Variants in PTPRD observed in about 807,000 individuals in gnomAD.
PTPRD encodes the protein protein tyrosine phosphatase receptor type D, also known as receptor-type tyrosine-protein phosphatase delta.
Under a neutral mutation model 214.5 loss-of-function variants are expected in PTPRD, and 34 were observed. The observed-to-expected ratio is 0.16, with a 90% CI of 0.12 to 0.21. The LOEUF is 0.21. Among genes scored for constraint, PTPRD ranks in the 10% least tolerant of loss-of-function variants. PTPRD has a pLI of 1.00. For synonymous variants in PTPRD, 1,128 were observed against 845.7 expected, an observed-to-expected ratio of 1.33 and a Z score of -5.79; for missense variants, 2,545 against 2,398.7, an observed-to-expected ratio of 1.06 and a Z score of -1.27.
At chr9:10,031,764 G>C (rs1248720330) in intron 4 of PTPRD, among the ~76,000 whole-genome samples, 1 of 150,526 alleles carries the variant, frequency 6.6e-6, no homozygotes, top group Non-Finnish European at 1.5e-5. Flanking sequence ...TTTTTTTATG[G>C]AGTTTACTAG....
At chr9:10,360,029 G>A (rs1598038651) in intron 2 of PTPRD, among the ~76,000 whole-genome samples, 1 of 152,132 alleles carries the variant, frequency 6.6e-6, no homozygotes, top group East Asian at 1.9e-4. Context: ...TTCCTTTTCA[G>A]ATCTATTAGT....
At chr9:8,910,684 G>C (rs1386855551) in intron 11 of PTPRD, among the ~76,000 whole-genome samples, 1 of 152,126 alleles carries the variant, frequency 6.6e-6, no homozygotes, top group East Asian at 1.9e-4. Flanking sequence ...CAATTACTCA[G>C]TTTCAGATAT....
At chr9:10,222,892 A>G (rs1048966591) in intron 3 of PTPRD, among the ~76,000 whole-genome samples, 1 of 152,062 alleles carries the variant, frequency 6.6e-6, no homozygotes, top group Admixed American at 6.6e-5. Flanking sequence ...TCTCAAAGAA[A>G]GATAAAAATG....
At chr9:8,856,824 T>G (rs1175871758) in intron 11 of PTPRD, among the ~76,000 whole-genome samples, 1 of 152,192 alleles carries the variant, frequency 6.6e-6, no homozygotes, top group Non-Finnish European at 1.5e-5. Context: ...TTTTTAAGCA[T>G]AAGACTTAAA....
chr9:9,351,887 T>A (rs1467908143), intron 9 of PTPRD, among the ~76,000 whole-genome samples: 1 of 152,002 alleles, frequency 6.6e-6, no homozygotes, highest in Non-Finnish European at 1.5e-5. Context: ...AATATCCACC[T>A]TGATGGACTA....
At chr9:9,694,168 G>T (rs141099002) in intron 7 of PTPRD, among the ~76,000 whole-genome samples, 1 of 152,094 alleles carries the variant, frequency 6.6e-6, no homozygotes, top group Admixed American at 6.6e-5. Context: ...ATGTTTGTTT[G>T]TGCCTGGGCA....
intron 10 of PTPRD, among the ~76,000 whole-genome samples, chr9:9,034,815 C>A (rs534202201): frequency 6.6e-6 from 1 of 152,290 alleles, no homozygotes; most frequent in African/African-American, 2.4e-5. Flanking sequence ...CAATGCAGTG[C>A]ATGGGACAGG....
chr9:9,657,787 T>C (rs1173662596), intron 7 of PTPRD, among the ~76,000 whole-genome samples: 1 of 152,210 alleles, frequency 6.6e-6, no homozygotes. Flanking sequence ...CAATTGTACA[T>C]CGTCCTTCCT....
intron 11 of PTPRD, among the ~76,000 whole-genome samples, chr9:8,868,369 T>G (rs2098236267): frequency 6.6e-6 from 1 of 152,082 alleles, no homozygotes; most frequent in African/African-American, 2.4e-5. Context: ...TAACTAATTT[T>G]TTTTTGTATT....
intron 9 of PTPRD, among the ~76,000 whole-genome samples, chr9:9,371,803 G>T (rs995518011): frequency 5.3e-5 from 8 of 152,048 alleles, no homozygotes; most frequent in African/African-American, 1.9e-4. Flanking sequence ...AGAGATTCTG[G>T]TATGTTGTGT....
intron 9 of PTPRD, among the ~76,000 whole-genome samples, chr9:9,344,552 T>C (rs1387635880): frequency 6.6e-6 from 1 of 151,966 alleles, no homozygotes. Flanking sequence ...ATAAAGTATA[T>C]ATATATGCAT....
chr9:9,467,213 C>CTTTTTT (rs35659936), intron 8 of PTPRD, among the ~76,000 whole-genome samples: 6 of 92,864 alleles, frequency 6.5e-5, no homozygotes, highest in Admixed American at 1.2e-4. Context: ...GTTCATTTAT[C>CTTTTTT]TTTTTTTTTT....
chr9:8,635,069 A>G (rs1368258272), intron 13 of PTPRD, among the ~76,000 whole-genome samples: 1 of 147,782 alleles, frequency 6.8e-6, no homozygotes, highest in Non-Finnish European at 1.5e-5. Context: ...AATAATATAT[A>G]TTAAATATAT....
intron 11 of PTPRD, among the ~76,000 whole-genome samples, chr9:8,993,013 C>T (rs1279189318): frequency 3.9e-5 from 6 of 152,248 alleles, no homozygotes; most frequent in South Asian, 4.1e-4. Context: ...CTTCCTGAGC[C>T]GTTGGAATTC....
intron 11 of PTPRD, among the ~76,000 whole-genome samples, chr9:8,983,343 C>T (rs1286185677): frequency 1.3e-5 from 2 of 151,904 alleles, no homozygotes; most frequent in African/African-American, 4.8e-5. Flanking sequence ...GGAAAAAAAC[C>T]TCTGATGCCA....
chr9:8,586,355 C>T (rs2093658678), intron 14 of PTPRD, among the ~76,000 whole-genome samples: 1 of 152,104 alleles, frequency 6.6e-6, no homozygotes, highest in Admixed American at 6.6e-5. Flanking sequence ...CTATAACCAG[C>T]ATTGATTCTT....
intron 10 of PTPRD, among the ~76,000 whole-genome samples, chr9:9,139,127 G>A (rs984011812): frequency 2.7e-5 from 4 of 150,578 alleles, no homozygotes; most frequent in African/African-American, 9.8e-5. Context: ...TATCCGTGGG[G>A]GATACATTCT....
At chr9:9,311,396 A>G (rs1958959634) in intron 9 of PTPRD, among the ~76,000 whole-genome samples, 1 of 152,160 alleles carries the variant, frequency 6.6e-6, no homozygotes. Context: ...AAACAAAAGA[A>G]AACACTGATA....
chr9:9,586,351 A>G (rs193238362), intron 7 of PTPRD, among the ~76,000 whole-genome samples: 59 of 152,178 alleles, frequency 3.9e-4, no homozygotes, highest in African/African-American at 1.4e-3. Flanking sequence ...ACTTACTAAT[A>G]CAAACAAATC....
Sources: allele counts gnomAD v4.1 joint callset (sites outside exome capture counted in the v4.1 genomes callset), GRCh38; gene constraint gnomAD v4.1.1; transcripts MANE v1.5; gene names NCBI Gene and HGNC (gene_info 2026-07-23, HGNC 2026-07-21).